GBP7: variants seen among roughly 807,000 people sequenced by gnomAD.
GBP7 encodes the protein guanylate binding protein 7, also known as guanylate-binding protein 7.
In GBP7, 43 loss-of-function variants were observed where a neutral mutation model predicts 61.3. The observed-to-expected ratio is 0.70, with a 90% confidence interval of 0.55 to 0.91. The LOEUF is 0.91. Ranked by LOEUF, GBP7 falls within the 40% of genes least tolerant of loss-of-function variation. The pLI is 0.00. For missense variants in GBP7, 717 were observed against 740.5 expected (o/e 0.97, Z 0.37); for synonymous variants, 267 against 271.0 (o/e 0.99, Z 0.14).
chr1:89,149,322 A>G lies in GBP7; in HGVS notation c.1122T>C (p.Asp374=), dbSNP rs145429337. Residue 374 remains aspartate, a synonymous_variant, in exon 7 of 11, where the codon GAT becomes GAC. Coordinates refer to ENST00000294671, the MANE Select transcript of GBP7 (RefSeq NM_207398.3). ...IAVFMEYSFK[D]KSQEFQKKLV... Reference sequence around the variant, plus strand: ...GCTTCTTCTGAAATTCCTGGCTTTTATCTTTGAAGGAGTACTCCATGAAGA... The same window carrying G: ...GCTTCTTCTGAAATTCCTGGCTTTTGTCTTTGAAGGAGTACTCCATGAAGA... The G allele has an allele frequency of 7.5e-5, 121 of 1,607,510 alleles. No homozygotes were observed. Among genetic ancestry groups the G allele is most frequent in the Middle Eastern group, 5.0e-4 (3 of 6,030 alleles).
intron 2 of GBP7, among the ~76,000 whole-genome samples, chr1:89,167,610 C>T (rs1236607678): frequency 6.6e-6 from 1 of 152,102 alleles, no homozygotes; most frequent in African/African-American, 2.4e-5. Flanking sequence ...TAAAGCAGTG[C>T]CATCATTAAT....
chr1:89,142,323 T>C (rs1206698420), intron 8 of GBP7, among the ~76,000 whole-genome samples: 1 of 152,182 alleles, frequency 6.6e-6, no homozygotes, highest in Non-Finnish European at 1.5e-5. Flanking sequence ...AATGGTATTA[T>C]CACTTCAACC....
At chr1:89,136,846 C>T (rs190877532) in intron 9 of GBP7, among the ~76,000 whole-genome samples, 70 of 151,860 alleles carry the variant, frequency 4.6e-4, no homozygotes, top group African/African-American at 1.7e-3. Flanking sequence ...AAAAACCATA[C>T]AAAAGATCAA....
At chr1:89,167,410 T>C (rs180683807) in intron 2 of GBP7, among the ~76,000 whole-genome samples, 12 of 152,316 alleles carry the variant, frequency 7.9e-5, no homozygotes, top group Admixed American at 3.3e-4. Flanking sequence ...ATTGTCCTTC[T>C]GGTGAGTACT....
intron 3 of GBP7, among the ~76,000 whole-genome samples, chr1:89,155,965 A>G (rs1682307769): frequency 6.6e-6 from 1 of 152,220 alleles, no homozygotes; most frequent in Admixed American, 6.5e-5. Context: ...GAGAAAGGTC[A>G]GGTTACCCAC....
At chr1:89,141,017 G>A (rs754966004) in intron 9 of GBP7, among the ~76,000 whole-genome samples, 5 of 152,100 alleles carry the variant, frequency 3.3e-5, no homozygotes, top group Non-Finnish European at 7.4e-5. Flanking sequence ...TGGACACAAA[G>A]GGACCAATAG....
At chr1:89,164,695 A>C (rs765356992) in intron 3 of GBP7, 36 bp downstream of exon 3, 8 of 1,603,152 alleles carry the variant, frequency 5.0e-6, no homozygotes, top group Middle Eastern at 1.7e-4. Flanking sequence ...ATAGAGAATC[A>C]AAGGTAAAGA....
intron 3 of GBP7, among the ~76,000 whole-genome samples, chr1:89,163,783 T>A (rs1647341350): frequency 6.6e-6 from 1 of 152,166 alleles, no homozygotes; most frequent in Non-Finnish European, 1.5e-5. Context: ...CCTAGCCCAG[T>A]AAATTGGGTA....
intron 3 of GBP7, among the ~76,000 whole-genome samples, chr1:89,164,121 C>T (rs906533079): frequency 2.6e-5 from 4 of 152,194 alleles, no homozygotes; most frequent in East Asian, 1.9e-4. Context: ...CCACCCGCCT[C>T]GGCCTTGCAA....
chr1:89,168,898 G>A (rs1158410598), intron 2 of GBP7, among the ~76,000 whole-genome samples: 1 of 152,148 alleles, frequency 6.6e-6, no homozygotes, highest in Non-Finnish European at 1.5e-5. Flanking sequence ...GAACCCGGGA[G>A]GCGGAGGTTG....
At chr1:89,148,046 T>C (rs1464919105) in intron 7 of GBP7, among the ~76,000 whole-genome samples, 1 of 152,204 alleles carries the variant, frequency 6.6e-6, no homozygotes, top group Non-Finnish European at 1.5e-5. Context: ...AATTCAGTTG[T>C]GGCAGTAGTA....
chr1:89,172,009 A>G (rs1173887431), intron 1 of GBP7, 55 bp from the exon 2 acceptor site: 1 of 1,210,612 alleles, frequency 8.3e-7, no homozygotes, highest in African/African-American at 1.5e-5. Flanking sequence ...TTGAGCTGAA[A>G]TCTATAATAG....
At chr1:89,134,497 C>T (rs948059671) in intron 9 of GBP7, among the ~76,000 whole-genome samples, 3 of 152,058 alleles carry the variant, frequency 2.0e-5, no homozygotes, top group African/African-American at 7.2e-5. Flanking sequence ...AGGTGCTTAA[C>T]CTAGAGGGGC....
intron 3 of GBP7, among the ~76,000 whole-genome samples, chr1:89,162,532 G>T (rs938018251): frequency 6.6e-6 from 1 of 151,856 alleles, no homozygotes; most frequent in African/African-American, 2.4e-5. Context: ...AATTATGAAT[G>T]GGAGTTTGTT....
In GBP7 at chr1:89,152,686, T is replaced by A. The variant is rs771184691; in HGVS notation, c.410A>T (p.Gln137Leu). 38 of 1,612,606 alleles carry A rather than the reference T, an allele frequency of 2.4e-5. No individual in the cohort carries two copies. The highest frequency in any genetic ancestry group is 3.2e-5 in the Non-Finnish European group (38 of 1,179,900). The change falls in exon 4 of 11, where the codon CAG becomes CTG. Residue 137 changes from glutamine to leucine, a missense_variant. Gln to Leu is a moderately radical substitution (Grantham distance 113). Coordinates refer to ENST00000294671, the MANE Select transcript of GBP7 (RefSeq NM_207398.3). Reference sequence around the variant, plus strand: ...AGGATACTGCAGCTGCTCCAGGGCCTGGTGGTTGATGGTGCCCATGCTGTT... The same window carrying A: ...AGGATACTGCAGCTGCTCCAGGGCCAGGTGGTTGATGGTGCCCATGCTGTT... The part of the protein sequence containing the change: ...VYNSMGTINH[Q>L]ALEQLHYVTE...
chr1:89,152,928 G>C, intron 3 of GBP7, 151 bp from the exon 4 acceptor site: 1 of 504,304 alleles, frequency 2.0e-6, no homozygotes, highest in Non-Finnish European at 3.4e-6. Context: ...AGCTTTATAT[G>C]CTTGCCAGCA....
At chr1:89,141,237 TG>T (rs1252515878) in intron 9 of GBP7, among the ~76,000 whole-genome samples, 4 of 151,614 alleles carry the variant, frequency 2.6e-5, no homozygotes, top group Non-Finnish European at 5.9e-5. Flanking sequence ...GTAACAGTCT[TG>T]TCTGAGTTCT....
chr1:89,131,983 TATTA>T lies in GBP7; in HGVS notation c.*162_*165del, dbSNP rs1310358502. ...TATCTTCTAACTTGTTCCCCATTTC[TATTA>T]ATTATTACTTTAGTCAAAATTAAGT... On this transcript the variant is annotated 3_prime_UTR_variant, in exon 11 of 11. Coordinates refer to ENST00000294671, the MANE Select transcript of GBP7 (RefSeq NM_207398.3). 8.2e-6 allele frequency: 4 copies of T among 488,560 alleles called. No individual in the cohort carries two copies. The East Asian group carries it at 1.3e-4, about 16-fold the overall frequency. The allele number at this position is 488,560 out of a possible 1,614,324, so 30.3% of individuals were successfully genotyped here. A position where few individuals can be genotyped will look rare whatever the true frequency, so the allele number is the denominator to read the frequency against.
intron 3 of GBP7, among the ~76,000 whole-genome samples, chr1:89,154,715 A>G (rs1039103810): frequency 2.0e-5 from 3 of 151,710 alleles, no homozygotes; most frequent in Admixed American, 2.0e-4. Flanking sequence ...AAATAAAATA[A>G]AATAAAATAA....
Sources: allele counts gnomAD v4.1 joint callset (sites outside exome capture counted in the v4.1 genomes callset), GRCh38; gene constraint gnomAD v4.1.1; transcripts MANE v1.5; gene names NCBI Gene and HGNC (gene_info 2026-07-23, HGNC 2026-07-21).